Variants in STK32A observed in about 807,000 individuals in gnomAD.
STK32A encodes serine/threonine kinase 32A.
A neutral mutation model predicts 53.2 loss-of-function variants in STK32A; 41 were observed. The ratio of observed to expected loss-of-function variants is 0.77; its 90% CI spans 0.60 to 1.00. The LOEUF is 1.00. Ranked by LOEUF, STK32A falls within the 50% of genes least tolerant of loss-of-function variation. The pLI is 0.00. For missense variants in STK32A, 458 were observed against 485.8 expected (o/e 0.94, Z 0.54); for synonymous variants, 166 against 162.8 (o/e 1.02, Z -0.15).
At chr5:147,252,456 C>G (rs1165194884) in intron 2 of STK32A, among the ~76,000 whole-genome samples, 8 of 152,040 alleles carry the variant, frequency 5.3e-5, no homozygotes, top group Admixed American at 5.2e-4. Context: ...TCTGGTAGTC[C>G]TGATATGATA....
chr5:147,377,880 G>A (rs866757099), intron 11 of STK32A, among the ~76,000 whole-genome samples: 22 of 152,054 alleles, frequency 1.4e-4, no homozygotes, highest in Admixed American at 2.0e-4. Flanking sequence ...GCTTGGAACT[G>A]CTTACATCAG....
chr5:147,318,743 T>C (rs1334609838), intron 4 of STK32A, among the ~76,000 whole-genome samples: 1 of 150,152 alleles, frequency 6.7e-6, no homozygotes, highest in African/African-American at 2.5e-5. Context: ...GCCACTGCAC[T>C]GCAGCCTGGA....
chr5:147,319,847 T>C (rs1754211116), intron 4 of STK32A, among the ~76,000 whole-genome samples: 1 of 152,146 alleles, frequency 6.6e-6, no homozygotes, highest in African/African-American at 2.4e-5. Flanking sequence ...GTTCTCTTGC[T>C]TTTCCTTGCT....
intron 5 of STK32A, among the ~76,000 whole-genome samples, chr5:147,334,906 C>G (rs1437218967): frequency 2.6e-5 from 4 of 152,268 alleles, no homozygotes; most frequent in Non-Finnish European, 4.4e-5. Context: ...ATTCAAGACC[C>G]CCAGTGGATA....
At chr5:147,295,713 G>T (rs866888818) in intron 4 of STK32A, among the ~76,000 whole-genome samples, 109 of 152,178 alleles carry the variant, frequency 7.2e-4, no homozygotes, top group African/African-American at 2.6e-3. Context: ...TTATAGCTTT[G>T]TAAGTTTCTT....
intron 6 of STK32A, among the ~76,000 whole-genome samples, chr5:147,347,686 G>C (rs1755756786): frequency 6.6e-6 from 1 of 152,184 alleles, no homozygotes; most frequent in Admixed American, 6.5e-5. Flanking sequence ...AAAAGCCAGA[G>C]AAGTCCTTCA....
chr5:147,317,323 C>CTTTTTTTTTTTTTTT (rs3064294), intron 4 of STK32A, among the ~76,000 whole-genome samples: 5 of 81,310 alleles, frequency 6.1e-5, no homozygotes, highest in African/African-American at 1.0e-4. Context: ...CTTTTTCTTT[C>CTTTTTTTTTTTTTTT]TTTTTTTTTT....
At chr5:147,365,039 C>T (rs1407785957) in intron 8 of STK32A, among the ~76,000 whole-genome samples, 1 of 152,166 alleles carries the variant, frequency 6.6e-6, no homozygotes, top group Admixed American at 6.5e-5. Context: ...GCTCTCCTCT[C>T]CTAACTTTTT....
chr5:147,354,815 A>G (rs966828069), intron 7 of STK32A, among the ~76,000 whole-genome samples: 1 of 152,218 alleles, frequency 6.6e-6, no homozygotes, highest in African/African-American at 2.4e-5. Context: ...ATAAAAATAT[A>G]TATTTGTAAA....
the STK32A span, among the ~76,000 whole-genome samples, chr5:147,400,231 C>T: frequency 1.3e-5 from 2 of 152,210 alleles, no homozygotes; most frequent in South Asian, 4.1e-4. Context: ...CATTTAGAGA[C>T]AATCACTTGT....
chr5:147,347,926 C>A (rs1451077798), intron 6 of STK32A, among the ~76,000 whole-genome samples: 5 of 152,158 alleles, frequency 3.3e-5, no homozygotes, highest in African/African-American at 1.2e-4. Context: ...TTACAAGATC[C>A]AGTAGAACCT....
At chr5:147,276,184 C>A (rs1230116830) in intron 2 of STK32A, among the ~76,000 whole-genome samples, 1 of 152,084 alleles carries the variant, frequency 6.6e-6, no homozygotes, top group African/African-American at 2.4e-5. Flanking sequence ...GTATGAAACT[C>A]AAGAGAAAAC....
chr5:147,345,906 A>T (rs936825341), intron 6 of STK32A, among the ~76,000 whole-genome samples: 1 of 152,200 alleles, frequency 6.6e-6, no homozygotes, highest in Non-Finnish European at 1.5e-5. Flanking sequence ...TTGAAAATCA[A>T]TTGCTTTGGG....
chr5:147,397,136 G>A, the STK32A span, among the ~76,000 whole-genome samples: 28 of 141,374 alleles, frequency 2.0e-4, 1 homozygote, highest in East Asian at 6.2e-4. Flanking sequence ...TTTTTTATAC[G>A]CATGCATACA....
Position 147,384,606 on chromosome 5 carries a change from A to G in STK32A, c.*623A>G, listed in dbSNP as rs1757578352. On this transcript the variant is annotated 3_prime_UTR_variant, in exon 13 of 13. Coordinates refer to ENST00000397936, the MANE Select transcript of STK32A (RefSeq NM_001112724.2). ...CTGGCAGGAGCCTGCTGTGCACACCACTTCCCAGCTCCCTCTTCAACAATG... is the reference window on the plus strand; with the variant it reads ...CTGGCAGGAGCCTGCTGTGCACACCGCTTCCCAGCTCCCTCTTCAACAATG... 1 of 499,308 alleles carries G rather than the reference A, an allele frequency of 2.0e-6. No individual in the cohort carries two copies. The highest frequency in any genetic ancestry group is 3.6e-5 in the Admixed American group (1 of 27,764). The allele number at this position is 499,308 out of a possible 1,614,324, so 30.9% of individuals were successfully genotyped here. A position where few individuals can be genotyped will look rare whatever the true frequency, so the allele number is the denominator to read the frequency against.
chr5:147,377,513 C>T (rs557149082), intron 11 of STK32A, among the ~76,000 whole-genome samples: 15 of 152,124 alleles, frequency 9.9e-5, no homozygotes, highest in Non-Finnish European at 1.6e-4. Flanking sequence ...ATTGAAAACT[C>T]GACATTTAAA....
downstream of STK32A, among the ~76,000 whole-genome samples, chr5:147,389,266 C>A (rs550791544): frequency 6.6e-6 from 1 of 152,164 alleles, no homozygotes; most frequent in African/African-American, 2.4e-5. Context: ...TGCAAGCTTG[C>A]GAATGGTGCC....
chr5:147,324,035 C>A lies in STK32A; in HGVS notation c.398C>A (p.Ala133Asp), dbSNP rs913553144. Residue 133 changes from alanine to aspartate, a missense_variant, in exon 5 of 13, where the codon GCC (alanine) becomes GAC (aspartate). Physicochemically the swap from Ala to Asp is moderately radical, Grantham distance 126. Transcript: ENST00000397936. ...VKLFICELVM[A>D]LDYLQNQRII... ...CTCTTCATCTGTGAGCTGGTCATGG[C>A]CCTGGACTACCTGCAGAACCAGCGC... 5 of 1,609,452 alleles carry A rather than the reference C, an allele frequency of 3.1e-6. No homozygotes were observed. The highest frequency in any genetic ancestry group is 2.2e-5 in the East Asian group (1 of 44,748).
At chr5:147,328,321 G>T (rs1023658130) in intron 5 of STK32A, among the ~76,000 whole-genome samples, 5 of 152,128 alleles carry the variant, frequency 3.3e-5, no homozygotes, top group African/African-American at 1.2e-4. Context: ...CATAAGATCT[G>T]TTTCCGCCAC....
Sources: allele counts gnomAD v4.1 joint callset (sites outside exome capture counted in the v4.1 genomes callset), GRCh38; gene constraint gnomAD v4.1.1; transcripts MANE v1.5; gene names NCBI Gene and HGNC (gene_info 2026-07-23, HGNC 2026-07-21).